Variants in GRM7 observed in about 807,000 individuals in gnomAD.
The protein encoded by GRM7 is metabotropic glutamate receptor 7.
A neutral mutation model predicts 84.5 loss-of-function variants in GRM7; 35 were observed. The observed-to-expected ratio is 0.41, with a 90% confidence interval of 0.32 to 0.55. GRM7 has a LOEUF of 0.55. Ranked by LOEUF, GRM7 falls within the 20% of genes least tolerant of loss-of-function variation. The pLI, the probability that GRM7 is intolerant of heterozygous loss-of-function variation, is 0.19. For missense variants in GRM7, 1,003 were observed against 1,194.6 expected (o/e 0.84, Z 2.36); for synonymous variants, 487 against 455.1 (o/e 1.07, Z -0.89).
At chr3:7,638,641 G>T (rs1698216007) in intron 8 of GRM7, among the ~76,000 whole-genome samples, 1 of 152,228 alleles carries the variant, frequency 6.6e-6, no homozygotes, top group South Asian at 2.1e-4. Context: ...CTGTTGCCAT[G>T]AGTTTGGGCT....
chr3:6,879,354 G>T (rs1695426092), intron 1 of GRM7, among the ~76,000 whole-genome samples: 1 of 152,084 alleles, frequency 6.6e-6, no homozygotes, highest in Admixed American at 6.6e-5. Context: ...GAACATAGTG[G>T]AGTGATTAGA....
At chr3:7,533,274 AACAG>A (rs1305151620) in intron 7 of GRM7, among the ~76,000 whole-genome samples, 2 of 152,200 alleles carry the variant, frequency 1.3e-5, no homozygotes, top group African/African-American at 4.8e-5. Context: ...AATGCAAAAG[AACAG>A]AAATCATCAC....
At chr3:7,597,787 G>T (rs1042667766) in intron 8 of GRM7, among the ~76,000 whole-genome samples, 3 of 152,154 alleles carry the variant, frequency 2.0e-5, no homozygotes, top group Non-Finnish European at 4.4e-5. Flanking sequence ...TCAACAAATA[G>T]ATCCTATAGT....
intron 1 of GRM7, among the ~76,000 whole-genome samples, chr3:7,061,434 G>C (rs1463293850): frequency 6.6e-6 from 1 of 151,672 alleles, no homozygotes; most frequent in Non-Finnish European, 1.5e-5. Context: ...AGAGACACAG[G>C]GGAGTTAAGA....
At chr3:7,359,111 CAAAAAAAAAA>C (rs35815945) in intron 4 of GRM7, among the ~76,000 whole-genome samples, 2,815 of 83,098 alleles carry the variant, frequency 0.034, 424 homozygotes, top group African/African-American at 0.13. Context: ...GATTCCATCT[CAAAAAAAAAA>C]AAAAAAGAAA....
chr3:7,556,611 C>T (rs970900642), intron 7 of GRM7, among the ~76,000 whole-genome samples: 4 of 152,196 alleles, frequency 2.6e-5, no homozygotes, highest in African/African-American at 9.7e-5. Context: ...GAGGACTCAA[C>T]TGGTGAACCA....
chr3:7,551,349 A>C (rs1693463465), intron 7 of GRM7, among the ~76,000 whole-genome samples: 1 of 152,168 alleles, frequency 6.6e-6, no homozygotes, highest in Non-Finnish European at 1.5e-5. Context: ...TACAGCATGC[A>C]TCTGGACCTT....
chr3:7,410,040 C>T (rs1165404540), intron 4 of GRM7, among the ~76,000 whole-genome samples: 1 of 152,120 alleles, frequency 6.6e-6, no homozygotes, highest in East Asian at 1.9e-4. Context: ...TGGTGGGAAG[C>T]TTGTGTCCAC....
At chr3:7,635,306 A>G (rs1698044446) in intron 8 of GRM7, among the ~76,000 whole-genome samples, 1 of 152,218 alleles carries the variant, frequency 6.6e-6, no homozygotes, top group African/African-American at 2.4e-5. Context: ...GATTTGGAAG[A>G]TGAACGTGGA....
At chr3:6,934,885 A>G (rs1237882889) in intron 1 of GRM7, among the ~76,000 whole-genome samples, 1 of 152,178 alleles carries the variant, frequency 6.6e-6, no homozygotes, top group African/African-American at 2.4e-5. Context: ...GGAAGATGAC[A>G]GTCTTCCCCC....
intron 1 of GRM7, among the ~76,000 whole-genome samples, chr3:6,879,054 G>C (rs906660909): frequency 6.6e-6 from 1 of 152,108 alleles, no homozygotes; most frequent in African/African-American, 2.4e-5. Context: ...ATTGGCCAAA[G>C]GTAGTCTAAA....
chr3:7,439,366 A>G (rs970997458), intron 5 of GRM7, among the ~76,000 whole-genome samples: 1 of 152,182 alleles, frequency 6.6e-6, no homozygotes, highest in African/African-American at 2.4e-5. Flanking sequence ...AACGTAGCCC[A>G]TGGTGTCACT....
At chr3:7,256,702 A>C (rs1293234333) in intron 2 of GRM7, among the ~76,000 whole-genome samples, 1 of 152,300 alleles carries the variant, frequency 6.6e-6, no homozygotes, top group African/African-American at 2.4e-5. Context: ...TCAAGGCACT[A>C]TTTATTGAGC....
intron 2 of GRM7, among the ~76,000 whole-genome samples, chr3:7,280,525 C>T (rs1391808155): frequency 6.6e-6 from 1 of 152,172 alleles, no homozygotes; most frequent in Non-Finnish European, 1.5e-5. Context: ...GATGACTTTG[C>T]ACTTTAGCTA....
intron 6 of GRM7, among the ~76,000 whole-genome samples, chr3:7,460,283 C>T (rs1698192941): frequency 6.6e-6 from 1 of 152,100 alleles, no homozygotes; most frequent in South Asian, 2.1e-4. Flanking sequence ...ACCTCAAAAC[C>T]AGACTTAACA....
intron 4 of GRM7, among the ~76,000 whole-genome samples, chr3:7,339,269 A>G (rs1701544369): frequency 6.6e-6 from 1 of 152,114 alleles, no homozygotes; most frequent in African/African-American, 2.4e-5. Flanking sequence ...AAAGCAATCA[A>G]AAAAACAAAA....
intron 4 of GRM7, among the ~76,000 whole-genome samples, chr3:7,363,257 A>C (rs976374367): frequency 6.6e-6 from 1 of 152,084 alleles, no homozygotes; most frequent in South Asian, 2.1e-4. Flanking sequence ...TATGTGAATC[A>C]CAAAAGCCAT....
At chr3:7,456,087 T>G (rs1697997514) in intron 6 of GRM7, among the ~76,000 whole-genome samples, 1 of 152,156 alleles carries the variant, frequency 6.6e-6, no homozygotes, top group African/African-American at 2.4e-5. Context: ...ATAACCAATT[T>G]TCCCAGAGTC....
At chr3:7,687,324 G>T (rs1700624420) in intron 9 of GRM7, among the ~76,000 whole-genome samples, 1 of 152,070 alleles carries the variant, frequency 6.6e-6, no homozygotes, top group Non-Finnish European at 1.5e-5. Flanking sequence ...ATTGCTTTAG[G>T]CTCTCACTAA....
Sources: allele counts gnomAD v4.1 joint callset (sites outside exome capture counted in the v4.1 genomes callset), GRCh38; gene constraint gnomAD v4.1.1; transcripts MANE v1.5; gene names NCBI Gene and HGNC (gene_info 2026-07-23, HGNC 2026-07-21).